Variants in KPNA6 observed in about 807,000 individuals in gnomAD.
KPNA6 encodes the protein karyopherin subunit alpha 6, also known as importin subunit alpha-7.
KPNA6 carries 9 observed loss-of-function variants against 72.0 expected under a neutral mutation model. That is an observed-to-expected ratio of 0.13 (90% CI 0.08 to 0.22). The LOEUF (loss-of-function observed/expected upper bound fraction) is 0.22, where lower values mean the gene tolerates loss of function less well. Among genes scored for constraint, KPNA6 ranks in the 10% least tolerant of loss-of-function variants. The probability of loss-of-function intolerance (pLI) is 1.00; values close to 1 mark genes in which losing one functional copy is unlikely to be tolerated. For synonymous variants in KPNA6, 219 were observed against 242.1 expected, an observed-to-expected ratio of 0.90 and a Z score of 0.89; for missense variants, 374 against 655.7, an observed-to-expected ratio of 0.57 and a Z score of 4.69.
At chr1:32,167,943 A>T (rs1161056833) in intron 12 of KPNA6, among the ~76,000 whole-genome samples, 1 of 151,928 alleles carries the variant, frequency 6.6e-6, no homozygotes. Context: ...AAGCAGGAGG[A>T]TCCTTTAAAC....
Position 32,108,139 on chromosome 1 carries a change from G to A in KPNA6, c.4+5G>A, listed in dbSNP as rs1161658253. On this transcript the variant is annotated splice_donor_5th_base_variant and intron_variant, in intron 1 of 13. Coordinates refer to ENST00000373625, the MANE Select transcript of KPNA6 (RefSeq NM_012316.5). Reference sequence around the variant, plus strand: ...GAGCGAGCGGACCCGCGATGGGTGAGTGAGGAAACCACGCAGTAGGGTTCT... The same window carrying A: ...GAGCGAGCGGACCCGCGATGGGTGAATGAGGAAACCACGCAGTAGGGTTCT... The A allele has an allele frequency of 1.9e-6, 3 of 1,613,974 alleles. No individual in the cohort carries two copies. Among genetic ancestry groups the A allele is most frequent in the Non-Finnish European group, 2.5e-6 (3 of 1,179,984 alleles).
intron 1 of KPNA6, among the ~76,000 whole-genome samples, chr1:32,123,065 C>T (rs1453443377): frequency 6.6e-6 from 1 of 151,592 alleles, no homozygotes; most frequent in East Asian, 1.9e-4. Context: ...CGTGCAATGG[C>T]AGTAGGAATG....
chr1:32,118,327 A>G (rs1641362984), intron 1 of KPNA6, among the ~76,000 whole-genome samples: 1 of 150,484 alleles, frequency 6.6e-6, no homozygotes, highest in African/African-American at 2.4e-5. Flanking sequence ...CCTAAATTCT[A>G]TAGCACTTTG....
chr1:32,141,671 AC>A (rs2124015263), intron 1 of KPNA6, among the ~76,000 whole-genome samples: 1 of 152,120 alleles, frequency 6.6e-6, no homozygotes, highest in African/African-American at 2.4e-5. Context: ...TGTTGGGGTT[AC>A]AGACATGAGC....
intron 10 of KPNA6, 146 bp from the exon 11 acceptor site, chr1:32,165,959 T>TA (rs1642326978): frequency 2.5e-6 from 2 of 797,686 alleles, no homozygotes; most frequent in Non-Finnish European, 3.7e-6. Context: ...GATTGTGCCA[T>TA]TGCACTCCAG....
intron 1 of KPNA6, among the ~76,000 whole-genome samples, chr1:32,141,484 G>T (rs746022371): frequency 7.6e-6 from 1 of 132,290 alleles, no homozygotes; most frequent in African/African-American, 2.9e-5. Flanking sequence ...TGCAACCTCC[G>T]CCTCCCATGT....
At position 32,167,872 on chromosome 1, in the gene KPNA6, A is replaced by C. The variant is rs537756807; in HGVS notation, c.1244+576A>C. ...CTGTCACAAAAAAAAAAAAAAACAAAAAAAAACAAGCAAGCTGGTGTAGTG... is the reference window on the plus strand; with the variant it reads ...CTGTCACAAAAAAAAAAAAAAACAACAAAAAACAAGCAAGCTGGTGTAGTG... On this transcript the variant is annotated intron_variant, in intron 12 of 13. Transcript: ENST00000373625. Among the ~76,000 whole-genome samples, 25 of 151,534 alleles carry C rather than the reference A, an allele frequency of 1.6e-4. No individual in the cohort carries two copies. In the East Asian group the frequency reaches 4.8e-3, roughly 29 times the overall value.
chr1:32,125,108 G>C (rs1486839505), intron 1 of KPNA6, among the ~76,000 whole-genome samples: 1 of 152,234 alleles, frequency 6.6e-6, no homozygotes, highest in African/African-American at 2.4e-5. Context: ...GCCTCCCAAA[G>C]TGCTAGGATT....
In KPNA6 at chr1:32,156,959, A is replaced by G. The variant is rs368801372; in HGVS notation, c.231+14A>G. On this transcript the variant is annotated intron_variant, in intron 3 of 13. Coordinates refer to ENST00000373625, the MANE Select transcript of KPNA6 (RefSeq NM_012316.5). ...TCTACCACTGGGGTAAGGCCCCTGC[A>G]TGTGCCTCAGGCTGACCTGGAAAAC... 1.3e-5 allele frequency: 20 copies of G among 1,597,532 alleles called. No homozygotes were observed. The highest frequency in any genetic ancestry group is 1.7e-5 in the Non-Finnish European group (20 of 1,165,632).
At chr1:32,120,354 C>T (rs1228581373) in intron 1 of KPNA6, among the ~76,000 whole-genome samples, 3 of 150,460 alleles carry the variant, frequency 2.0e-5, no homozygotes, top group Non-Finnish European at 4.4e-5. Context: ...AAGCGATTCT[C>T]CTGCCTCAGC....
intron 1 of KPNA6, among the ~76,000 whole-genome samples, chr1:32,110,066 T>C (rs560103491): frequency 6.0e-5 from 9 of 149,708 alleles, no homozygotes; most frequent in Non-Finnish European, 8.9e-5. Flanking sequence ...ATTTTTTTTT[T>C]TTTTTTTTTT....
At position 32,166,034 on chromosome 1, in the gene KPNA6, AAC is replaced by A. The variant is rs1425271881; in HGVS notation, c.991-69_991-68del. 2.8e-3 allele frequency: 4,138 copies of A among 1,470,908 alleles called. 7 individuals are homozygous for A. The highest frequency in any genetic ancestry group is 0.014 in the South Asian group (999 of 70,752). 91.1% of individuals were successfully genotyped at this position (1,470,908 alleles called of 1,614,324 possible). A position where few individuals can be genotyped will look rare whatever the true frequency, so the allele number is the denominator to read the frequency against. ...CAAAAACAACAACAACAACAACAAC[AAC>A]AAAAAAACATAAAAAAAATTAAAAA... On this transcript the variant is annotated intron_variant, in intron 10 of 13. Coordinates refer to ENST00000373625, the MANE Select transcript of KPNA6 (RefSeq NM_012316.5).
At chr1:32,122,317 AAGAG>A (rs768241604) in intron 1 of KPNA6, among the ~76,000 whole-genome samples, 1 of 151,892 alleles carries the variant, frequency 6.6e-6, no homozygotes, top group African/African-American at 2.4e-5. Flanking sequence ...AGCCAAGAGA[AAGAG>A]AGTATTTCAA....
chr1:32,159,628 C>G, intron 6 of KPNA6, 97 bp downstream of exon 6: 2 of 1,384,776 alleles, frequency 1.4e-6, no homozygotes, highest in Non-Finnish European at 9.8e-7. Context: ...TGTTAAAACT[C>G]TTGGAATTTC....
chr1:32,124,182 G>GAGCA (rs1641489490), intron 1 of KPNA6, among the ~76,000 whole-genome samples: 1 of 151,998 alleles, frequency 6.6e-6, no homozygotes, highest in African/African-American at 2.4e-5. Context: ...AGACCGGCCT[G>GAGCA]AGCAACATGA....
chr1:32,169,255 C>T (rs999109922), intron 12 of KPNA6, among the ~76,000 whole-genome samples: 4 of 151,466 alleles, frequency 2.6e-5, no homozygotes, highest in African/African-American at 9.7e-5. Flanking sequence ...CCTGTAGTCC[C>T]AGCTGTTTGG....
rs1379305680 is a variant in KPNA6, at chr1:32,175,491, G to A, written c.*4597G>A. ...CTCTGACTCAGAGCATGTCTTTAAA[G>A]AGTCCACATCTGGCCAGGCGCGGTG... On this transcript the variant is annotated 3_prime_UTR_variant, in exon 14 of 14. Coordinates refer to ENST00000373625, the MANE Select transcript of KPNA6 (RefSeq NM_012316.5). 6.6e-6 allele frequency: 1 copy of A among 152,296 alleles called. No homozygotes were observed. 9.4% of individuals were successfully genotyped at this position (152,296 alleles called of 1,614,324 possible).
chr1:32,133,810 C>CA (rs1383646777), intron 1 of KPNA6, among the ~76,000 whole-genome samples: 4 of 152,084 alleles, frequency 2.6e-5, no homozygotes, highest in African/African-American at 9.7e-5. Context: ...GAGGCCGAGG[C>CA]AGGCGGATCA....
At chr1:32,162,562 CACGGTGGCTT>C in intron 9 of KPNA6, 38 bp downstream of exon 9, 1 of 1,609,310 alleles carries the variant, frequency 6.2e-7, no homozygotes, top group Middle Eastern at 2.1e-4. Context: ...TCTGGCTGGG[CACGGTGGCTT>C]ATGCTTATAA....
Sources: gnomAD v4.1 joint callset for allele counts (sites outside exome capture counted in the v4.1 genomes callset) on GRCh38, gnomAD v4.1.1 for gene constraint, MANE v1.5 for transcripts, NCBI Gene and HGNC (gene_info 2026-07-23, HGNC 2026-07-21) for gene names.